The following FANCC variants were observed in gnomAD, a reference collection of about 807,000 sequenced individuals.
The protein encoded by FANCC is Fanconi anemia group C protein.
A neutral mutation model predicts 71.3 loss-of-function variants in FANCC; 55 were observed. The observed-to-expected ratio is 0.77, with a 90% CI of 0.62 to 0.97. FANCC has a LOEUF of 0.97. Ranked by LOEUF, FANCC falls within the 50% of genes least tolerant of loss-of-function variation. The pLI, the probability that FANCC is intolerant of heterozygous loss-of-function variation, is 0.00. For missense variants in FANCC, 678 were observed against 670.9 expected (o/e 1.01, Z -0.12); for synonymous variants, 275 against 244.9 (o/e 1.12, Z -1.15).
chr9:95,173,035 T>C (rs1825782009), intron 4 of FANCC, among the ~76,000 whole-genome samples: 1 of 152,208 alleles, frequency 6.6e-6, no homozygotes, highest in Non-Finnish European at 1.5e-5. Context: ...ACAATGAATA[T>C]GAATAGATAA....
rs528530151 is a variant in FANCC at position 95,138,846 on chromosome 9, T to A, written c.687-3344A>T. Among the ~76,000 whole-genome samples the A allele has an allele frequency of 2.6e-5, 4 of 152,350 alleles. No homozygotes were observed. The East Asian group carries it at 7.7e-4, about 29-fold the overall frequency. Reference sequence around the variant, plus strand: ...AGCACACGAGTCACACTCCAGTCAGTAAAGTGCGTGATGCGCCCATTCTAG... The same window carrying A: ...AGCACACGAGTCACACTCCAGTCAGAAAAGTGCGTGATGCGCCCATTCTAG... On this transcript the variant is annotated intron_variant, in intron 7 of 14. Coordinates refer to ENST00000289081, the MANE Select transcript of FANCC (RefSeq NM_000136.3).
At chr9:95,168,777 C>T (rs541509092) in intron 6 of FANCC, among the ~76,000 whole-genome samples, 1 of 152,248 alleles carries the variant, frequency 6.6e-6, no homozygotes, top group Non-Finnish European at 1.5e-5. Context: ...GATCTACCTA[C>T]TTCAGCCTCC....
At chr9:95,240,105 A>C (rs1428871961) in intron 4 of FANCC, among the ~76,000 whole-genome samples, 3 of 152,210 alleles carry the variant, frequency 2.0e-5, no homozygotes, top group Non-Finnish European at 4.4e-5. Context: ...AGCTATCTGG[A>C]CTAGCACAGT....
intron 3 of FANCC, among the ~76,000 whole-genome samples, chr9:95,241,919 C>CA (rs757003063): frequency 3.5e-4 from 53 of 152,266 alleles, no homozygotes; most frequent in Non-Finnish European, 6.0e-4. Context: ...CATGGCCTCC[C>CA]AAAGTGCTGG....
Position 95,101,298 on chromosome 9 carries a change from T to G in FANCC, c.*409A>C, listed in dbSNP as rs1365651769. The G allele has an allele frequency of 3.1e-6, 1 of 322,136 alleles. No individual in the cohort carries two copies. The highest frequency in any genetic ancestry group is 4.6e-5 in the East Asian group (1 of 21,582). The allele number at this position is 322,136 out of a possible 1,614,324, so 20.0% of individuals were successfully genotyped here. On this transcript the variant is annotated 3_prime_UTR_variant, in exon 15 of 15. Transcript: ENST00000289081. ...AAAAAGAGTCTAAAAAGAGCTAAGT[T>G]CTCTCTAAATTCTTTAATGGTTCAT...
intron 10 of FANCC, among the ~76,000 whole-genome samples, chr9:95,124,503 T>C (rs1028054736): frequency 2.0e-5 from 3 of 152,110 alleles, no homozygotes; most frequent in African/African-American, 7.2e-5. Context: ...GGCCTGGCCT[T>C]TGGTTTACTG....
At chr9:95,188,032 C>T (rs1443640426) in intron 4 of FANCC, among the ~76,000 whole-genome samples, 1 of 151,286 alleles carries the variant, frequency 6.6e-6, no homozygotes, top group Non-Finnish European at 1.5e-5. Context: ...AGATCTGGCT[C>T]ATAGTAGGTG....
rs904013105 is a variant in FANCC, at chr9:95,113,236, C to T, written c.1154+1393G>A. Among the ~76,000 whole-genome samples the T allele has an allele frequency of 2.6e-5, 4 of 152,266 alleles. No homozygotes were observed. In the South Asian group the frequency reaches 6.2e-4, roughly 24 times the overall value. On this transcript the variant is annotated intron_variant, in intron 12 of 14. Transcript: ENST00000289081. The stretch of plus-strand genomic sequence containing the variant: ...TGAGGAAGGAGTGAGCAGCTGGCAC[C>T]CAAGCCATCAATCACGGAGCTGGAC...
At chr9:95,168,554 G>A (rs1825455020) in intron 6 of FANCC, among the ~76,000 whole-genome samples, 1 of 152,196 alleles carries the variant, frequency 6.6e-6, no homozygotes. Flanking sequence ...TGTTCGAGAT[G>A]GCACCTTGCT....
In FANCC at chr9:95,195,610, C is replaced by G. The variant is rs145278411; in HGVS notation, c.346-23463G>C. 3.9e-5 allele frequency among the ~76,000 whole-genome samples: 6 copies of G among 152,272 alleles called. No homozygotes were observed. In the East Asian group the frequency reaches 1.2e-3, roughly 29 times the overall value. ...GCTATTCTAGGGCTTGTGCTTTTCC[C>G]TATAAATTCTAGAATAAGTCTGCCT... On this transcript the variant is annotated intron_variant, in intron 4 of 14. Transcript: ENST00000289081.
chr9:95,204,666 C>T (rs1385695894), intron 4 of FANCC, among the ~76,000 whole-genome samples: 3 of 152,126 alleles, frequency 2.0e-5, no homozygotes, highest in African/African-American at 7.2e-5. Context: ...TACCAAACTC[C>T]AAATGTTGAC....
intron 11 of FANCC, among the ~76,000 whole-genome samples, chr9:95,114,974 G>T (rs1336680896): frequency 6.6e-5 from 10 of 152,128 alleles, no homozygotes; most frequent in Admixed American, 5.9e-4. Flanking sequence ...ACACGATCTT[G>T]CTTGGTCAGA....
At chr9:95,270,497 C>T (rs1832657069) in intron 1 of FANCC, among the ~76,000 whole-genome samples, 1 of 152,232 alleles carries the variant, frequency 6.6e-6, no homozygotes, top group Non-Finnish European at 1.5e-5. Flanking sequence ...AAATAAGATA[C>T]TTCAGAAAAA....
At chr9:95,151,940 A>C (rs1027125857) in intron 6 of FANCC, among the ~76,000 whole-genome samples, 3 of 151,702 alleles carry the variant, frequency 2.0e-5, no homozygotes, top group East Asian at 1.9e-4. Flanking sequence ...AAAAAAAAAA[A>C]CAAAAAACAA....
chr9:95,311,296 A>G (rs913175943), intron 1 of FANCC, among the ~76,000 whole-genome samples: 1 of 152,134 alleles, frequency 6.6e-6, no homozygotes. Flanking sequence ...CAGCACTTGA[A>G]TGTACAAGCA....
chr9:95,144,149 C>T (rs990862022), intron 7 of FANCC, among the ~76,000 whole-genome samples: 6 of 152,246 alleles, frequency 3.9e-5, no homozygotes, highest in East Asian at 3.9e-4. Context: ...GGGCTGGGCG[C>T]GGCTGGTAAT....
At chr9:95,149,660 G>A (rs1047852433) in intron 7 of FANCC, among the ~76,000 whole-genome samples, 1 of 152,022 alleles carries the variant, frequency 6.6e-6, no homozygotes, top group African/African-American at 2.4e-5. Flanking sequence ...TGCATTTTTA[G>A]TAGAGACAGG....
intron 1 of FANCC, among the ~76,000 whole-genome samples, chr9:95,297,283 C>T (rs1316204316): frequency 6.6e-6 from 1 of 152,208 alleles, no homozygotes; most frequent in African/African-American, 2.4e-5. Context: ...TGGAGATAAA[C>T]ATTTTAGGGC....
Position 95,216,813 on chromosome 9 carries a change from C to T in FANCC, c.345+23836G>A, listed in dbSNP as rs892686214. Reference sequence around the variant, plus strand: ...AGATACAAACACCAAACTCTTGTGGCTTGCTGTGCTGTGATTATAAAATCC... The same window carrying T: ...AGATACAAACACCAAACTCTTGTGGTTTGCTGTGCTGTGATTATAAAATCC... On this transcript the variant is annotated intron_variant, in intron 4 of 14. Coordinates refer to ENST00000289081, the MANE Select transcript of FANCC (RefSeq NM_000136.3). 1.7e-4 allele frequency among the ~76,000 whole-genome samples: 26 copies of T among 152,158 alleles called. 1 individual carries two copies. Among genetic ancestry groups the T allele is most frequent in the Non-Finnish European group, 3.2e-4 (22 of 68,036 alleles).
Sources: gnomAD v4.1 joint callset for allele counts (sites outside exome capture counted in the v4.1 genomes callset) on GRCh38, gnomAD v4.1.1 for gene constraint, MANE v1.5 for transcripts, NCBI Gene and HGNC (gene_info 2026-07-23, HGNC 2026-07-21) for gene names.